Variants in REEP1 observed in about 807,000 individuals in gnomAD.
The protein encoded by REEP1 is receptor expression-enhancing protein 1.
In REEP1, 22 loss-of-function variants were observed where a neutral mutation model predicts 40.3. That is an observed-to-expected ratio of 0.55 (90% CI 0.39 to 0.78). REEP1 has a LOEUF of 0.78. REEP1 is among the 30% of genes least tolerant of loss of function. The probability of loss-of-function intolerance (pLI) is 0.00; values close to 1 mark genes in which losing one functional copy is unlikely to be tolerated. For synonymous variants in REEP1, 116 were observed against 139.2 expected, an observed-to-expected ratio of 0.83 and a Z score of 1.17; for missense variants, 280 against 361.1, an observed-to-expected ratio of 0.78 and a Z score of 1.82.
chr2:86,328,549 G>A (rs1331161080), intron 1 of REEP1, among the ~76,000 whole-genome samples: 1 of 152,210 alleles, frequency 6.6e-6, no homozygotes, highest in Non-Finnish European at 1.5e-5. Context: ...CGTGGTGGCG[G>A]GCACCTGTAG....
At chr2:86,234,983 A>G (rs1243141870) in intron 5 of REEP1, among the ~76,000 whole-genome samples, 1 of 152,234 alleles carries the variant, frequency 6.6e-6, no homozygotes, top group African/African-American at 2.4e-5. Context: ...GAGTGAGAAA[A>G]TATTCTGCTA....
intron 1 of REEP1, among the ~76,000 whole-genome samples, chr2:86,297,369 G>T (rs1429750848): frequency 2.0e-5 from 3 of 152,250 alleles, no homozygotes; most frequent in Admixed American, 6.5e-5. Context: ...GCAAAATGTG[G>T]TGTCAAATGG....
chr2:86,262,637 T>G (rs1676927143), intron 3 of REEP1, among the ~76,000 whole-genome samples: 1 of 152,234 alleles, frequency 6.6e-6, no homozygotes, highest in Non-Finnish European at 1.5e-5. Context: ...GAGGGTAATT[T>G]CATACTGATC....
At chr2:86,296,896 C>T (rs1679010303) in intron 1 of REEP1, among the ~76,000 whole-genome samples, 1 of 152,204 alleles carries the variant, frequency 6.6e-6, no homozygotes, top group Admixed American at 6.5e-5. Flanking sequence ...TACATCAGTT[C>T]ATTTAACAAG....
intron 1 of REEP1, among the ~76,000 whole-genome samples, chr2:86,301,572 A>G (rs887566500): frequency 1.3e-5 from 2 of 152,242 alleles, no homozygotes; most frequent in Non-Finnish European, 2.9e-5. Context: ...CTAGTTTCCT[A>G]TCTCTCGTCA....
At position 86,216,754 on chromosome 2, in the gene REEP1, C is replaced by G. The variant is rs1674132995; in HGVS notation, c.*285G>C. On this transcript the variant is annotated 3_prime_UTR_variant, in exon 9 of 9. Coordinates refer to ENST00000538924, the MANE Select transcript of REEP1 (RefSeq NM_001371279.1). ...TCTTATCTTTCTAAAAAACACACTG[C>G]TGTCTATAATGACAATCCAATTGTG... The G allele has an allele frequency of 2.6e-6, 1 of 387,738 alleles. No individual in the cohort carries two copies. Among genetic ancestry groups the G allele is most frequent in the Non-Finnish European group, 4.8e-6 (1 of 209,502 alleles). The allele number at this position is 387,738 out of a possible 1,614,324, so 24.0% of individuals were successfully genotyped here.
chr2:86,310,268 A>G (rs2104482293), intron 1 of REEP1, among the ~76,000 whole-genome samples: 1 of 152,302 alleles, frequency 6.6e-6, no homozygotes, highest in East Asian at 1.9e-4. Context: ...TCAACAATGG[A>G]CGGCACATAC....
At chr2:86,283,814 C>T (rs1238924069) in intron 1 of REEP1, among the ~76,000 whole-genome samples, 2 of 152,122 alleles carry the variant, frequency 1.3e-5, no homozygotes, top group Non-Finnish European at 2.9e-5. Context: ...ACTTACTTGT[C>T]TAAGGCCTCA....
intron 1 of REEP1, among the ~76,000 whole-genome samples, chr2:86,315,773 C>T (rs1453332447): frequency 6.6e-6 from 1 of 152,172 alleles, no homozygotes; most frequent in African/African-American, 2.4e-5. Context: ...GTGCCATGTG[C>T]TTGGACAACT....
In REEP1 at chr2:86,227,415, G is replaced by A; in HGVS notation, c.596-17C>T. ...AGGTACACACTGTGGGAATGGGGTA[G>A]GGGCACCATCAGTGACATCCCCCAC... On this transcript the variant is annotated splice_polypyrimidine_tract_variant and intron_variant, in intron 6 of 8. Coordinates refer to ENST00000538924, the MANE Select transcript of REEP1 (RefSeq NM_001371279.1). The A allele has an allele frequency of 1.6e-6, 2 of 1,232,452 alleles. No homozygotes were observed. The highest frequency in any genetic ancestry group is 6.3e-5 in the East Asian group (2 of 31,716). The allele number at this position is 1,232,452 out of a possible 1,614,324, so 76.3% of individuals were successfully genotyped here.
At chr2:86,317,354 T>C (rs1680065472) in intron 1 of REEP1, among the ~76,000 whole-genome samples, 1 of 151,998 alleles carries the variant, frequency 6.6e-6, no homozygotes, top group African/African-American at 2.4e-5. Flanking sequence ...GGAATTAGAG[T>C]TGAATTTCTT....
intron 6 of REEP1, 104 bp downstream of exon 6, chr2:86,232,521 C>T (rs993783369): frequency 4.6e-5 from 64 of 1,377,064 alleles, no homozygotes; most frequent in Middle Eastern, 2.0e-4. Flanking sequence ...GGTGGCAGGT[C>T]CGTGGGGCCA....
At chr2:86,249,805 G>T (rs1189688926) in intron 5 of REEP1, among the ~76,000 whole-genome samples, 1 of 151,326 alleles carries the variant, frequency 6.6e-6, no homozygotes, top group Non-Finnish European at 1.5e-5. Context: ...TTTTTTTTAA[G>T]TACACATCTG....
chr2:86,328,754 G>A (rs1001565406), intron 1 of REEP1, among the ~76,000 whole-genome samples: 1 of 152,228 alleles, frequency 6.6e-6, no homozygotes, highest in South Asian at 2.1e-4. Context: ...GGTGTGGCTT[G>A]CTTACTCGGC....
intron 1 of REEP1, among the ~76,000 whole-genome samples, chr2:86,332,034 G>A (rs550410553): frequency 7.9e-5 from 12 of 152,210 alleles, no homozygotes; most frequent in African/African-American, 2.9e-4. Context: ...CCAATAGTTG[G>A]TCCTTGATCT....
intron 1 of REEP1, among the ~76,000 whole-genome samples, chr2:86,335,668 G>A (rs2104555742): frequency 6.6e-6 from 1 of 152,222 alleles, no homozygotes; most frequent in Non-Finnish European, 1.5e-5. Context: ...GGCCAACATG[G>A]TGAAACCCCG....
intron 1 of REEP1, among the ~76,000 whole-genome samples, chr2:86,291,408 C>G (rs1678685406): frequency 6.6e-6 from 1 of 152,162 alleles, no homozygotes; most frequent in Non-Finnish European, 1.5e-5. Context: ...CTTGGGAAAA[C>G]AGAAACGAGA....
At chr2:86,318,089 G>A (rs1054042968) in intron 1 of REEP1, among the ~76,000 whole-genome samples, 5 of 152,140 alleles carry the variant, frequency 3.3e-5, no homozygotes, top group Non-Finnish European at 5.9e-5. Flanking sequence ...ACTTGAAGGC[G>A]TTTCTGATGA....
At chr2:86,244,447 T>G (rs916480738) in intron 5 of REEP1, among the ~76,000 whole-genome samples, 1 of 152,190 alleles carries the variant, frequency 6.6e-6, no homozygotes, top group African/African-American at 2.4e-5. Context: ...GTTCAGATGC[T>G]AAGGGCTATA....
Sources: allele counts gnomAD v4.1 joint callset (sites outside exome capture counted in the v4.1 genomes callset), GRCh38; gene constraint gnomAD v4.1.1; transcripts MANE v1.5; gene names NCBI Gene and HGNC (gene_info 2026-07-23, HGNC 2026-07-21).